Variants in SCAF11 observed in about 807,000 individuals in gnomAD.
SCAF11 encodes protein SCAF11.
Under a neutral mutation model 140.5 loss-of-function variants are expected in SCAF11, and 47 were observed. The observed-to-expected ratio is 0.33, with a 90% CI of 0.26 to 0.43. The LOEUF is 0.43. Ranked by LOEUF, SCAF11 falls within the 20% of genes least tolerant of loss-of-function variation. SCAF11 has a pLI of 1.00. For synonymous variants in SCAF11, 557 were observed against 579.4 expected (o/e 0.96, Z 0.55); for missense variants, 1,645 against 1,705.1 (o/e 0.96, Z 0.62).
At position 45,926,854 on chromosome 12, in the gene SCAF11, A is replaced by C; in HGVS notation, c.2847T>G (p.Ser949Arg). The change falls in exon 11 of 15, where the codon AGT becomes AGG. Residue 949 changes from serine to arginine, a missense_variant. Ser to Arg is a moderately radical substitution (Grantham distance 110). Coordinates refer to ENST00000369367, the MANE Select transcript of SCAF11 (RefSeq NM_004719.3). ...CAATTCTACCAAATGATGAACTCTT[A>C]CTTTTTGTTCTACATCTTGAGGGGG... The part of the protein sequence containing the change: ...SRSPSRCRTK[S>R]KSSSFGRIDR... The C allele has an allele frequency of 6.2e-7, 1 of 1,613,968 alleles. No homozygotes were observed. Among genetic ancestry groups the C allele is most frequent in the Non-Finnish European group, 8.5e-7 (1 of 1,180,020 alleles).
intron 6 of SCAF11, among the ~76,000 whole-genome samples, chr12:45,937,287 G>A (rs900809022): frequency 1.3e-5 from 2 of 151,614 alleles, no homozygotes; most frequent in Non-Finnish European, 2.9e-5. Context: ...TTGTATTTTT[G>A]CTGTAATATT....
At chr12:45,959,509 T>C (rs1945775533) in intron 3 of SCAF11, among the ~76,000 whole-genome samples, 2 of 152,200 alleles carry the variant, frequency 1.3e-5, no homozygotes, top group African/African-American at 4.8e-5. Flanking sequence ...TTATTCCTGA[T>C]CCTGAAATCC....
At chr12:45,954,243 A>AT (rs1945621605) in intron 3 of SCAF11, among the ~76,000 whole-genome samples, 2 of 150,572 alleles carry the variant, frequency 1.3e-5, no homozygotes, top group African/African-American at 4.9e-5. Flanking sequence ...TATTTTTTTT[A>AT]TTTTTTGAGA....
chr12:45,923,200 T>C (rs373659858), intron 12 of SCAF11, 46 bp from the exon 13 acceptor site: 31 of 1,531,208 alleles, frequency 2.0e-5, no homozygotes, highest in Middle Eastern at 1.7e-4. Flanking sequence ...TTGTACTCGA[T>C]AGAAGTCTTT....
chr12:45,972,172 T>C (rs1592217088), intron 1 of SCAF11, among the ~76,000 whole-genome samples: 1 of 152,068 alleles, frequency 6.6e-6, no homozygotes, highest in Admixed American at 6.5e-5. Flanking sequence ...ATTGAAAAAG[T>C]ATAAATAGTA....
At chr12:45,978,843 A>C (rs189896987) in intron 1 of SCAF11, among the ~76,000 whole-genome samples, 494 of 152,306 alleles carry the variant, frequency 3.2e-3, no homozygotes, top group African/African-American at 0.011. Flanking sequence ...TGCAAATAAT[A>C]AAGAAAGCTC....
intron 6 of SCAF11, among the ~76,000 whole-genome samples, 157 bp from the exon 7 acceptor site, chr12:45,934,662 C>G (rs113944543): frequency 1.5e-3 from 225 of 152,226 alleles, no homozygotes; most frequent in African/African-American, 5.1e-3. Flanking sequence ...TTCCCAAATG[C>G]TGATTTCATC....
chr12:45,954,223 AT>A (rs999910284), intron 3 of SCAF11, among the ~76,000 whole-genome samples: 2 of 151,724 alleles, frequency 1.3e-5, no homozygotes, highest in Admixed American at 1.3e-4. Flanking sequence ...TTCCTTTACA[AT>A]TTTTTCTTTA....
At chr12:45,978,386 T>C (rs1180085392) in intron 1 of SCAF11, among the ~76,000 whole-genome samples, 9 of 152,196 alleles carry the variant, frequency 5.9e-5, no homozygotes, top group Admixed American at 4.6e-4. Context: ...TATATTTATT[T>C]CCGCCAGGCA....
intron 3 of SCAF11, among the ~76,000 whole-genome samples, chr12:45,959,580 G>A (rs1945776774): frequency 6.6e-6 from 1 of 152,108 alleles, no homozygotes; most frequent in Admixed American, 6.5e-5. Context: ...AGAGGATGGA[G>A]CTTAATTTAT....
chr12:45,927,016 C>A lies in SCAF11; in HGVS notation c.2685G>T (p.Gln895His), dbSNP rs1944886815. 4 of 1,613,738 alleles carry A rather than the reference C, an allele frequency of 2.5e-6. No individual in the cohort carries two copies. Among genetic ancestry groups the A allele is most frequent in the African/African-American group, 1.3e-5 (1 of 75,038 alleles). The change falls in exon 11 of 15, where the codon CAG becomes CAT. Residue 895 changes from glutamine to histidine, a missense_variant. Physicochemically the swap from Gln to His is conservative, Grantham distance 24. Coordinates refer to ENST00000369367, the MANE Select transcript of SCAF11 (RefSeq NM_004719.3). ...RETSRENKRS[Q>H]PRVKDSSPGE... ...CTGGGGAAGAATCTTTCACTCTTGG[C>A]TGAGATCTTTTGTTCTCTCTAGAAG...
chr12:45,977,126 C>T (rs1946252251), intron 1 of SCAF11, among the ~76,000 whole-genome samples: 1 of 151,872 alleles, frequency 6.6e-6, no homozygotes, highest in Non-Finnish European at 1.5e-5. Context: ...AAGATGAACA[C>T]TTCCCAAATC....
chr12:45,960,271 A>G (rs1945794446), intron 3 of SCAF11, among the ~76,000 whole-genome samples: 1 of 152,130 alleles, frequency 6.6e-6, no homozygotes, highest in Non-Finnish European at 1.5e-5. Flanking sequence ...TACACATTAT[A>G]ATTTTCTTAG....
Position 45,926,529 on chromosome 12 carries a change from A to G in SCAF11, c.3172T>C (p.Ser1058Pro). 1 of 1,612,930 alleles carries G rather than the reference A, an allele frequency of 6.2e-7. No homozygotes were observed. The highest frequency in any genetic ancestry group is 1.7e-4 in the Middle Eastern group (1 of 6,056). The change falls in exon 11 of 15, where the codon TCT becomes CCT. Residue 1058 changes from serine (S) to proline (P), a missense_variant. By Grantham distance (74) the Ser-to-Pro change is moderately conservative (BLOSUM62 -1). Coordinates refer to ENST00000369367, the MANE Select transcript of SCAF11 (RefSeq NM_004719.3). ...EENRNENSGN[S>P]WNKNFGSGWV... ...CCAGAACCAAAGTTTTTATTCCAAGAATTTCCTGAATTTTCATTTCTATTT... is the reference window on the plus strand; with the variant it reads ...CCAGAACCAAAGTTTTTATTCCAAGGATTTCCTGAATTTTCATTTCTATTT...
Position 45,925,038 on chromosome 12 carries a change from T to C in SCAF11, c.3596A>G (p.Asp1199Gly), listed in dbSNP as rs759611162. Residue 1199 changes from aspartate (D) to glycine (G), a missense_variant, in exon 12 of 15, where the codon GAT becomes GGT. Around this residue, in one of 2 missense-constraint regions of SCAF11, gnomAD observed 1,582 missense variants for 1,609.2 expected, o/e 0.98. Coordinates refer to ENST00000369367, the MANE Select transcript of SCAF11 (RefSeq NM_004719.3). ...CATATTTATAGGTAGCTGAGAACCA[T>C]CAACTTGCTGGTTTGTTTGGTCTTT... ...SLKDQTNQQV[D>G]GSQLPINMMQ... The C allele has an allele frequency of 2.5e-6, 4 of 1,613,526 alleles. No individual in the cohort carries two copies. The South Asian group carries it at 4.4e-5, about 18-fold the overall frequency.
chr12:45,972,880 A>C (rs868854911), intron 1 of SCAF11, among the ~76,000 whole-genome samples: 574 of 57,058 alleles, frequency 0.01, 24 homozygotes, highest in African/African-American at 0.038. Flanking sequence ...ATATATATAT[A>C]GATATATATA....
At chr12:45,949,328 C>A (rs1287570748) in intron 4 of SCAF11, among the ~76,000 whole-genome samples, 6 of 151,964 alleles carry the variant, frequency 3.9e-5, no homozygotes, top group Non-Finnish European at 7.4e-5. Context: ...CACAAGATTT[C>A]AAAGACTTAG....
intron 3 of SCAF11, chr12:45,955,286 A>T (rs556906070): frequency 6.6e-6 from 1 of 152,194 alleles, no homozygotes; most frequent in Non-Finnish European, 1.5e-5. Flanking sequence ...TTTCCCAAGT[A>T]GTTGGGACTA....
At chr12:45,923,913 C>T (rs1024668297) in intron 12 of SCAF11, among the ~76,000 whole-genome samples, 4 of 151,846 alleles carry the variant, frequency 2.6e-5, no homozygotes, top group African/African-American at 9.7e-5. Context: ...TGCAGTGGTG[C>T]AATCTCGGCT....
Sources: gnomAD v4.1 joint callset for allele counts (sites outside exome capture counted in the v4.1 genomes callset) on GRCh38, gnomAD v4.1.1 for gene constraint, gnomAD v4.1.1 regional missense constraint, MANE v1.5 for transcripts, NCBI Gene and HGNC (gene_info 2026-07-23, HGNC 2026-07-21) for gene names.